Variants in AGMO observed in about 807,000 individuals in gnomAD.
The protein encoded by AGMO is glyceryl-ether monooxygenase.
AGMO carries 75 observed loss-of-function variants against 60.2 expected under a neutral mutation model. The observed-to-expected ratio is 1.25, with a 90% CI of 1.03 to 1.51. AGMO has a LOEUF of 1.51. AGMO is among the 40% of genes most tolerant of loss of function. The pLI is 0.00. For synonymous variants in AGMO, 261 were observed against 177.1 expected, an observed-to-expected ratio of 1.47 and a Z score of -3.76; for missense variants, 763 against 525.5, an observed-to-expected ratio of 1.45 and a Z score of -4.42.
chr7:15,503,034 C>G (rs1783427303), intron 3 of AGMO, among the ~76,000 whole-genome samples: 1 of 152,046 alleles, frequency 6.6e-6, no homozygotes, highest in Admixed American at 6.6e-5. Flanking sequence ...ATTTTTGGAA[C>G]TGAGACATTG....
At chr7:15,497,668 T>A (rs1783268483) in intron 3 of AGMO, among the ~76,000 whole-genome samples, 1 of 152,052 alleles carries the variant, frequency 6.6e-6, no homozygotes. Flanking sequence ...AAGAACACAA[T>A]TAATTGATTC....
At chr7:15,406,226 A>AATACAC (rs1784680841) in intron 5 of AGMO, among the ~76,000 whole-genome samples, 1 of 118,012 alleles carries the variant, frequency 8.5e-6, no homozygotes, top group African/African-American at 3.6e-5. Flanking sequence ...CTTTGTTTGG[A>AATACAC]ATACACACAC....
At chr7:15,242,657 G>A (rs939599479) in intron 12 of AGMO, among the ~76,000 whole-genome samples, 5 of 152,050 alleles carry the variant, frequency 3.3e-5, no homozygotes, top group East Asian at 1.9e-4. Flanking sequence ...ATTTCTAGGA[G>A]TAATCAATAA....
chr7:15,465,115 A>C (rs1344598217), intron 3 of AGMO, among the ~76,000 whole-genome samples: 1 of 151,830 alleles, frequency 6.6e-6, no homozygotes, highest in Non-Finnish European at 1.5e-5. Flanking sequence ...AAAAGTCTTT[A>C]CTCTGTGTGT....
At chr7:15,517,502 C>T (rs923345852) in intron 3 of AGMO, among the ~76,000 whole-genome samples, 5 of 151,194 alleles carry the variant, frequency 3.3e-5, no homozygotes, top group African/African-American at 1.2e-4. Flanking sequence ...ACAGTGGGTG[C>T]AGCCCAAGGA....
In AGMO at chr7:15,432,379, T is replaced by TATATATATAC. The variant is rs373845365; in HGVS notation, c.410-1272_410-1271insGTATATATAT. Among the ~76,000 whole-genome samples the TATATATATAC allele has an allele frequency of 1.7e-4, 23 of 136,170 alleles. 1 individual carries two copies. Among genetic ancestry groups the TATATATATAC allele is most frequent in the African/African-American group, 2.8e-4 (10 of 35,640 alleles). 89.3% of individuals were successfully genotyped at this position (136,170 alleles called of 152,430 possible). On this transcript the variant is annotated intron_variant, in intron 3 of 12. Transcript: ENST00000342526. ...ATATATATACACACACATATATATA[T>TATATATATAC]ACACTATCTGGGTAAATTTTGGCCA...
intron 12 of AGMO, 131 bp downstream of exon 12, chr7:15,365,380 TAAA>T (rs60202363): frequency 0.011 from 2,500 of 221,508 alleles, no homozygotes; most frequent in South Asian, 0.018. Context: ...TACTGGTAAG[TAAA>T]AAAAAAAAAA....
chr7:15,269,000 GT>G (rs1199095323), intron 12 of AGMO, among the ~76,000 whole-genome samples: 1 of 152,004 alleles, frequency 6.6e-6, no homozygotes, highest in East Asian at 1.9e-4. Flanking sequence ...TTTTACAATG[GT>G]TTAGCTTAGG....
At chr7:15,367,607 TA>T (rs957696137) in intron 10 of AGMO, among the ~76,000 whole-genome samples, 18 of 152,088 alleles carry the variant, frequency 1.2e-4, no homozygotes, top group African/African-American at 4.3e-4. Flanking sequence ...GCAATAGATT[TA>T]AAGGAGCTAA....
At chr7:15,417,026 T>A (rs930584171) in intron 5 of AGMO, among the ~76,000 whole-genome samples, 5 of 152,188 alleles carry the variant, frequency 3.3e-5, no homozygotes, top group African/African-American at 1.2e-4. Context: ...ATGTTGTGTA[T>A]AATAAACGAA....
intron 4 of AGMO, among the ~76,000 whole-genome samples, chr7:15,426,193 A>C (rs906010986): frequency 5.9e-5 from 9 of 152,190 alleles, no homozygotes; most frequent in Non-Finnish European, 1.0e-4. Flanking sequence ...GACTCTAGTT[A>C]ATTTAGCAAA....
chr7:15,346,851 G>C (rs900790222), intron 12 of AGMO, among the ~76,000 whole-genome samples: 37 of 139,984 alleles, frequency 2.6e-4, no homozygotes, highest in African/African-American at 9.9e-4. Context: ...GTTTAAATTA[G>C]TAGTAAGTAA....
rs143240136 is a variant in AGMO at position 15,447,331 on chromosome 7, T to C, written c.410-16223A>G. Among the ~76,000 whole-genome samples, 9 of 152,294 alleles carry C rather than the reference T, an allele frequency of 5.9e-5. No individual in the cohort carries two copies. The East Asian group carries it at 1.4e-3, about 23-fold the overall frequency. On this transcript the variant is annotated intron_variant, in intron 3 of 12. Coordinates refer to ENST00000342526, the MANE Select transcript of AGMO (RefSeq NM_001004320.2). ...TAGAAGTAATTTCTACATTATAACA[T>C]GTTCCAGCTATACCTCCACCCCTAT...
At chr7:15,327,761 T>G (rs1271095805) in intron 12 of AGMO, among the ~76,000 whole-genome samples, 2 of 107,538 alleles carry the variant, frequency 1.9e-5, no homozygotes, top group African/African-American at 8.0e-5. Flanking sequence ...TTTTTTTTTT[T>G]TTTTGAGACA....
At chr7:15,142,061 T>C in the AGMO span, among the ~76,000 whole-genome samples, 1 of 152,196 alleles carries the variant, frequency 6.6e-6, no homozygotes, top group African/African-American at 2.4e-5. Flanking sequence ...CGAGCTCTAA[T>C]ACTATACAGT....
At chr7:15,148,827 A>G in the AGMO span, among the ~76,000 whole-genome samples, 2 of 152,094 alleles carry the variant, frequency 1.3e-5, no homozygotes, top group Non-Finnish European at 1.5e-5. Context: ...TATTTTGGGG[A>G]GTATATACCC....
At chr7:15,213,938 A>G (rs2128494686) in intron 12 of AGMO, among the ~76,000 whole-genome samples, 1 of 152,178 alleles carries the variant, frequency 6.6e-6, no homozygotes, top group African/African-American at 2.4e-5. Flanking sequence ...GAAATTTCAC[A>G]GGTAAAAACA....
chr7:15,465,328 T>C (rs937735915), intron 3 of AGMO, among the ~76,000 whole-genome samples: 3 of 150,768 alleles, frequency 2.0e-5, no homozygotes, highest in Admixed American at 6.6e-5. Flanking sequence ...GAAATTAGAG[T>C]GTGTGTGTGC....
intron 5 of AGMO, among the ~76,000 whole-genome samples, chr7:15,413,842 T>C (rs1419735192): frequency 1.3e-5 from 2 of 152,050 alleles, no homozygotes; most frequent in Non-Finnish European, 2.9e-5. Flanking sequence ...AAAGAAATAA[T>C]AACAGTTGAA....
Sources: gnomAD v4.1 joint callset for allele counts (sites outside exome capture counted in the v4.1 genomes callset) on GRCh38, gnomAD v4.1.1 for gene constraint, MANE v1.5 for transcripts, NCBI Gene and HGNC (gene_info 2026-07-23, HGNC 2026-07-21) for gene names.